NEMP2: variants seen among roughly 807,000 people sequenced by gnomAD.
NEMP2 encodes UPF0571 transmembrane protein.
Under a neutral mutation model 54.2 loss-of-function variants are expected in NEMP2, and 53 were observed. That is an observed-to-expected ratio of 0.98 (90% CI 0.78 to 1.23). NEMP2 has a LOEUF of 1.23. Among genes scored for constraint, NEMP2 ranks in the 50% most tolerant of loss-of-function variants. The pLI is 0.00. For synonymous variants in NEMP2, 197 were observed against 190.3 expected, an observed-to-expected ratio of 1.04 and a Z score of -0.29; for missense variants, 455 against 511.3, an observed-to-expected ratio of 0.89 and a Z score of 1.06.
In NEMP2 at chr2:190,533,770, A is replaced by AG. The variant is rs890521923; in HGVS notation, c.97+788dup. 1.5e-4 allele frequency among the ~76,000 whole-genome samples: 20 copies of AG among 132,698 alleles called. No homozygotes were observed. Among genetic ancestry groups the AG allele is most frequent in the African/African-American group, 3.7e-4 (13 of 35,028 alleles). The allele number at this position is 132,698 out of a possible 152,430, so 87.1% of individuals were successfully genotyped here. On this transcript the variant is annotated intron_variant, in intron 1 of 8. Transcript: ENST00000409150. This position sits in a 1 kb window ranked among gnomAD's most constrained non-coding sequence, Gnocchi z 4.3. ...AGGAAATCTTTTAAAAGATTTTATG[A>AG]GGGGAAAAAAAAAAAGAAACAGAAA... is the stretch of plus-strand genomic sequence containing the variant.
At chr2:190,429,340 T>TA in the NEMP2 span, among the ~76,000 whole-genome samples, 1 of 151,878 alleles carries the variant, frequency 6.6e-6, no homozygotes, top group Non-Finnish European at 1.5e-5. Flanking sequence ...CTTTTTTTTT[T>TA]TTTGAGATGG....
At chr2:190,566,317 G>T in the NEMP2 span, among the ~76,000 whole-genome samples, 1 of 152,142 alleles carries the variant, frequency 6.6e-6, no homozygotes, top group Non-Finnish European at 1.5e-5. Flanking sequence ...TGATGAAAAA[G>T]AATTTCTTAC....
chr2:190,548,657 C>A, the NEMP2 span, among the ~76,000 whole-genome samples: 2 of 152,114 alleles, frequency 1.3e-5, no homozygotes, highest in Non-Finnish European at 2.9e-5. Flanking sequence ...TGTTAAAATT[C>A]TTTGTTGTGA....
the NEMP2 span, among the ~76,000 whole-genome samples, chr2:190,587,270 A>T: frequency 6.6e-6 from 1 of 152,194 alleles, no homozygotes; most frequent in East Asian, 1.9e-4. This position sits in a 1 kb window ranked among gnomAD's most constrained non-coding sequence, Gnocchi z 5.4. Flanking sequence ...GGGCAGGCGT[A>T]CTTACTGACC....
chr2:190,544,968 T>C, the NEMP2 span, among the ~76,000 whole-genome samples: 10 of 148,256 alleles, frequency 6.7e-5, no homozygotes, highest in Non-Finnish European at 1.2e-4. Flanking sequence ...CTGGGTGTAG[T>C]GGCACACACC....
chr2:190,477,291 C>T, the NEMP2 span: 1 of 984,658 alleles, frequency 1.0e-6, no homozygotes. Context: ...TTAGGATTTC[C>T]CACCTCTGGT....
At chr2:190,612,118 T>C in the NEMP2 span, among the ~76,000 whole-genome samples, 4 of 151,960 alleles carry the variant, frequency 2.6e-5, no homozygotes, top group East Asian at 5.8e-4. Flanking sequence ...TGACATGCCT[T>C]GACTTGACTT....
chr2:190,483,535 G>A, the NEMP2 span, among the ~76,000 whole-genome samples: 2 of 152,108 alleles, frequency 1.3e-5, no homozygotes, highest in Admixed American at 6.5e-5. Flanking sequence ...AAGCTGATGT[G>A]ATAATATTAA....
At chr2:190,563,621 T>C in the NEMP2 span, among the ~76,000 whole-genome samples, 1 of 152,244 alleles carries the variant, frequency 6.6e-6, no homozygotes, top group African/African-American at 2.4e-5. This position sits in a 1 kb window ranked among gnomAD's most constrained non-coding sequence, Gnocchi z 4.3. Context: ...ACTTTGAGCA[T>C]TGTAACTTGT....
chr2:190,563,956 G>C, the NEMP2 span, among the ~76,000 whole-genome samples: 27 of 152,362 alleles, frequency 1.8e-4, no homozygotes, highest in African/African-American at 5.5e-4. The surrounding 1 kb of genome is among the most constrained non-coding windows in gnomAD (Gnocchi z 4.3). Context: ...AAGGCTACTA[G>C]AAAGGCTTCC....
the NEMP2 span, among the ~76,000 whole-genome samples, chr2:190,570,360 T>C: frequency 4.0e-3 from 617 of 152,348 alleles, 3 homozygotes; most frequent in African/African-American, 0.014. The surrounding 1 kb of genome is among the most constrained non-coding windows in gnomAD (Gnocchi z 5.4). Context: ...AGTAACTTAA[T>C]AGAGACCCCA....
the NEMP2 span, among the ~76,000 whole-genome samples, chr2:190,568,376 G>T: frequency 6.6e-6 from 1 of 152,162 alleles, no homozygotes; most frequent in Non-Finnish European, 1.5e-5. The surrounding 1 kb of genome is among the most constrained non-coding windows in gnomAD (Gnocchi z 4.7). Context: ...AATAGGGAAT[G>T]AATTTGTGAT....
At chr2:190,546,006 C>T in the NEMP2 span, among the ~76,000 whole-genome samples, 1 of 152,136 alleles carries the variant, frequency 6.6e-6, no homozygotes, top group Non-Finnish European at 1.5e-5. The surrounding 1 kb of genome is among the most constrained non-coding windows in gnomAD (Gnocchi z 5.1). Context: ...AATCTAGATA[C>T]TCCTAGTATT....
chr2:190,566,719 AAAG>A, the NEMP2 span, among the ~76,000 whole-genome samples: 2 of 85,226 alleles, frequency 2.3e-5, no homozygotes, highest in South Asian at 4.7e-4. Context: ...GGAAGAAAAG[AAAG>A]AAAGAAGGAA....
the NEMP2 span, among the ~76,000 whole-genome samples, chr2:190,622,309 G>A: frequency 6.6e-6 from 1 of 151,944 alleles, no homozygotes; most frequent in South Asian, 2.1e-4. Context: ...TCAGGAGGCT[G>A]AGGTGGGAGG....
chr2:190,485,286 T>C, the NEMP2 span, among the ~76,000 whole-genome samples: 1 of 152,206 alleles, frequency 6.6e-6, no homozygotes, highest in Non-Finnish European at 1.5e-5. The surrounding 1 kb of genome is among the most constrained non-coding windows in gnomAD (Gnocchi z 5.1). Context: ...TCTAGAATTA[T>C]AATAAATATA....
the NEMP2 span, among the ~76,000 whole-genome samples, chr2:190,581,699 T>G: frequency 1.3e-5 from 2 of 152,214 alleles, no homozygotes; most frequent in Non-Finnish European, 2.9e-5. Flanking sequence ...AATGATATGT[T>G]GAGAGATATA....
the NEMP2 span, among the ~76,000 whole-genome samples, chr2:190,585,892 T>G: frequency 6.6e-6 from 1 of 152,154 alleles, no homozygotes; most frequent in Non-Finnish European, 1.5e-5. The surrounding 1 kb of genome is among the most constrained non-coding windows in gnomAD (Gnocchi z 5.3). Flanking sequence ...AACCAGTCAA[T>G]AATGGATTCC....
At chr2:190,599,445 G>A in the NEMP2 span, among the ~76,000 whole-genome samples, 1 of 152,128 alleles carries the variant, frequency 6.6e-6, no homozygotes, top group Non-Finnish European at 1.5e-5. Flanking sequence ...ATGAGTTATG[G>A]ACAAAATATA....
Sources: allele counts gnomAD v4.1 joint callset (sites outside exome capture counted in the v4.1 genomes callset), GRCh38; gene constraint gnomAD v4.1.1; non-coding constraint Gnocchi (gnomAD v3.1); transcripts MANE v1.5; gene names NCBI Gene and HGNC (gene_info 2026-07-23, HGNC 2026-07-21).